The following AGTRAP variants were observed in gnomAD, a reference collection of about 807,000 sequenced individuals.
AGTRAP encodes the protein type-1 angiotensin II receptor-associated protein.
Under a neutral mutation model 15.2 loss-of-function variants are expected in AGTRAP, and 7 were observed. The ratio of observed to expected loss-of-function variants is 0.46; its 90% CI spans 0.26 to 0.87. AGTRAP has a LOEUF of 0.87. Ranked by LOEUF, AGTRAP falls within the 40% of genes least tolerant of loss-of-function variation. The probability of loss-of-function intolerance (pLI) is 0.15; values close to 1 mark genes in which losing one functional copy is unlikely to be tolerated. For missense variants in AGTRAP, 187 were observed against 213.4 expected, an observed-to-expected ratio of 0.88 and a Z score of 0.77; for synonymous variants, 74 against 89.6, an observed-to-expected ratio of 0.83 and a Z score of 0.98.
chr1:11,748,444 C>T lies in AGTRAP; in HGVS notation c.198C>T (p.Phe66=). The change falls in exon 4 of 5, where the codon TTC becomes TTT. Residue 66 remains phenylalanine, a synonymous_variant. Coordinates refer to ENST00000314340, the MANE Select transcript of AGTRAP (RefSeq NM_020350.5). ...TGGGTGGCTTGCTGGCCACCATCTT[C>T]CTGGACATCGTGCACATCAGCATCT... ...MFLGGLLATI[F]LDIVHISIFY... 6.2e-7 allele frequency: 1 copy of T among 1,613,868 alleles called. No individual in the cohort carries two copies. The highest frequency in any genetic ancestry group is 2.2e-5 in the East Asian group (1 of 44,888).
intron 1 of AGTRAP, among the ~76,000 whole-genome samples, chr1:11,736,714 G>A (rs1049238882): frequency 6.6e-6 from 1 of 152,246 alleles, no homozygotes; most frequent in African/African-American, 2.4e-5. Flanking sequence ...CAAGCAGTTG[G>A]TTTTATAAAG....
Position 11,750,561 on chromosome 1 carries a change from G to C in AGTRAP, c.*369G>C. The stretch of plus-strand genomic sequence containing the variant: ...CCTCAGGCCTCCCCCAAGTTTGCTG[G>C]GCTTTGGTGGAAGCCCTGAGAGCTT... On this transcript the variant is annotated 3_prime_UTR_variant, in exon 5 of 5. Transcript: ENST00000314340. The C allele has an allele frequency of 2.0e-6, 1 of 505,326 alleles. No individual in the cohort carries two copies. Among genetic ancestry groups the C allele is most frequent in the Non-Finnish European group, 3.6e-6 (1 of 281,556 alleles). 31.3% of individuals were successfully genotyped at this position (505,326 alleles called of 1,614,324 possible). A position where few individuals can be genotyped will look rare whatever the true frequency, so the allele number is the denominator to read the frequency against.
intron 1 of AGTRAP, among the ~76,000 whole-genome samples, chr1:11,741,509 C>T (rs1186072891): frequency 6.6e-6 from 1 of 152,120 alleles, no homozygotes; most frequent in African/African-American, 2.4e-5. Flanking sequence ...AACTTAACAC[C>T]GTTTATCACT....
At chr1:11,748,376 G>T in intron 3 of AGTRAP, 39 bp from the exon 4 acceptor site, 1 of 1,589,228 alleles carries the variant, frequency 6.3e-7, no homozygotes. Context: ...ACGGAGCGTG[G>T]TGGGGGTGTT....
chr1:11,741,338 C>T (rs1377193709), intron 1 of AGTRAP, among the ~76,000 whole-genome samples: 5 of 152,150 alleles, frequency 3.3e-5, no homozygotes, highest in South Asian at 2.1e-4. Context: ...TGCTTTCCTT[C>T]GGGATGAGGG....
chr1:11,747,217 G>A (rs189449325), intron 2 of AGTRAP, among the ~76,000 whole-genome samples: 22 of 152,282 alleles, frequency 1.4e-4, no homozygotes, highest in African/African-American at 4.1e-4. Flanking sequence ...GGGTGGCTGC[G>A]GCTGTCATCT....
At position 11,748,513 on chromosome 1, in the gene AGTRAP, G is replaced by A; in HGVS notation, c.267G>A (p.Val89=). The A allele has an allele frequency of 6.2e-7, 1 of 1,612,928 alleles. No homozygotes were observed. The highest frequency in any genetic ancestry group is 8.5e-7 in the Non-Finnish European group (1 of 1,180,020). Residue 89 remains valine (V), a synonymous_variant, in exon 4 of 5, where the codon GTG becomes GTA. Transcript: ENST00000314340. The part of the protein sequence containing the change: ...VSLTDTGRFG[V]GMAILSLLLK... ...TCACGGACACGGGCCGCTTTGGCGT[G>A]GGCATGGCCATCCTCAGCTTGCTGC...
intron 1 of AGTRAP, among the ~76,000 whole-genome samples, chr1:11,737,230 A>G (rs1420183479): frequency 6.6e-6 from 1 of 152,228 alleles, no homozygotes; most frequent in Non-Finnish European, 1.5e-5. Context: ...TGCTTCAGCA[A>G]ACCTTCCTGA....
At position 11,745,838 on chromosome 1, in the gene AGTRAP, G is replaced by A. The variant is rs1370252920; in HGVS notation, c.62+1G>A. ...TAGGTCACTGGCTGCTGACAACCTGGTAAGTGACTCTGTGGGTATCTTGTG... is the reference window on the plus strand; with the variant it reads ...TAGGTCACTGGCTGCTGACAACCTGATAAGTGACTCTGTGGGTATCTTGTG... On this transcript the variant is annotated splice_donor_variant, in intron 2 of 4. Transcript: ENST00000314340. LOFTEE classifies it high-confidence loss of function. This position sits in a 1 kb window ranked among gnomAD's most constrained non-coding sequence, Gnocchi z 4.2. 6.2e-6 allele frequency: 10 copies of A among 1,613,856 alleles called. No homozygotes were observed. The South Asian group carries it at 8.8e-5, about 14-fold the overall frequency.
intron 2 of AGTRAP, 96 bp from the exon 3 acceptor site, chr1:11,747,344 C>T (rs902804283): frequency 7.9e-6 from 9 of 1,133,438 alleles, no homozygotes; most frequent in African/African-American, 4.6e-5. Context: ...AAGACTATGG[C>T]ATGTTCTGGG....
Position 11,745,070 on chromosome 1 carries a change from G to T in AGTRAP, c.28-733G>T, listed in dbSNP as rs531797394. Among the ~76,000 whole-genome samples the T allele has an allele frequency of 1.2e-3, 186 of 151,992 alleles. No homozygotes were observed. Among genetic ancestry groups the T allele is most frequent in the African/African-American group, 4.4e-3 (182 of 41,418 alleles). On this transcript the variant is annotated intron_variant, in intron 1 of 4. Transcript: ENST00000314340. This position sits in a 1 kb window ranked among gnomAD's most constrained non-coding sequence, Gnocchi z 4.2. ...GGGTTTCACCATGTTGGCCAGGCTG[G>T]TCCTGAACTCCTGACCTCAGGTGAT... is the stretch of plus-strand genomic sequence containing the variant.
Position 11,745,686 on chromosome 1 carries a change from T to C in AGTRAP, c.28-117T>C, listed in dbSNP as rs1642143764. ...GGTGTGCCTTTTCAACAGACATTAC[T>C]GAGGCCCTCAGAGGTGCCAGGCGCA... is the stretch of plus-strand genomic sequence containing the variant. On this transcript the variant is annotated intron_variant, in intron 1 of 4. Transcript: ENST00000314340. The surrounding 1 kb of genome is among the most constrained non-coding windows in gnomAD (Gnocchi z 4.2). 1 of 1,075,938 alleles carries C rather than the reference T, an allele frequency of 9.3e-7. No homozygotes were observed. Among genetic ancestry groups the C allele is most frequent in the Non-Finnish European group, 1.4e-6 (1 of 695,280 alleles). The allele number at this position is 1,075,938 out of a possible 1,614,324, so 66.6% of individuals were successfully genotyped here.
rs757023980 is a variant in AGTRAP, at chr1:11,748,569, A to G, written c.323A>G (p.His108Arg). The change falls in exon 4 of 5, where the codon CAC (histidine) becomes CGC (arginine). Residue 108 changes from histidine to arginine, a missense_variant. By Grantham distance (29) the His-to-Arg change is conservative. Transcript: ENST00000314340. ...CCGCTCTCCTGCTGCTTCGTCTACC[A>G]CATGTACCGGGAGCGCGGGGGTGAG... is the stretch of plus-strand genomic sequence containing the variant. ...LKPLSCCFVY[H>R]MYRERGGELL... 2.5e-6 allele frequency: 4 copies of G among 1,611,222 alleles called. No homozygotes were observed. In the Admixed American group the frequency reaches 6.7e-5, roughly 27 times the overall value.
chr1:11,739,108 A>T (rs1195622719), intron 1 of AGTRAP, among the ~76,000 whole-genome samples: 1 of 152,102 alleles, frequency 6.6e-6, no homozygotes, highest in African/African-American at 2.4e-5. Context: ...TCTGCATTCA[A>T]GGTCTTGAGT....
intron 4 of AGTRAP, 103 bp downstream of exon 4, chr1:11,748,713 G>A (rs1642236683): frequency 2.2e-6 from 3 of 1,337,232 alleles, no homozygotes; most frequent in East Asian, 5.0e-5. Flanking sequence ...TGGGGCCAGG[G>A]CTCAAGGTGC....
intron 1 of AGTRAP, 144 bp downstream of exon 1, chr1:11,736,379 G>A (rs1267807067): frequency 8.5e-7 from 1 of 1,170,350 alleles, no homozygotes; most frequent in Non-Finnish European, 1.2e-6. Context: ...ACGCAAGAAG[G>A]AGATGGGCAG....
At chr1:11,748,642 C>T (rs373254364) in intron 4 of AGTRAP, 32 bp downstream of exon 4, 55 of 1,588,652 alleles carry the variant, frequency 3.5e-5, no homozygotes, top group South Asian at 1.8e-4. Context: ...AGCTCCTCAC[C>T]GCTCCCTTCT....
At chr1:11,748,946 C>T (rs942589932) in intron 4 of AGTRAP, among the ~76,000 whole-genome samples, 2 of 152,296 alleles carry the variant, frequency 1.3e-5, no homozygotes, top group Admixed American at 6.5e-5. Flanking sequence ...CTGAGGGCCA[C>T]GGGCACCTAC....
chr1:11,744,452 C>G, intron 1 of AGTRAP: 1 of 687,192 alleles, frequency 1.5e-6, no homozygotes, highest in Non-Finnish European at 2.7e-6. Context: ...GGCCCTCAGG[C>G]CCCCCTACCT....
Sources: gnomAD v4.1 joint callset for allele counts (sites outside exome capture counted in the v4.1 genomes callset) on GRCh38, gnomAD v4.1.1 for gene constraint, Gnocchi (gnomAD v3.1) non-coding constraint, MANE v1.5 for transcripts, NCBI Gene and HGNC (gene_info 2026-07-23, HGNC 2026-07-21) for gene names.